Variants in KCND3 observed in about 807,000 individuals in gnomAD.
KCND3 encodes potassium voltage-gated channel subfamily D member 3.
In KCND3, 9 loss-of-function variants were observed where a neutral mutation model predicts 51.1. The ratio of observed to expected loss-of-function variants is 0.18; its 90% CI spans 0.11 to 0.31. The LOEUF (loss-of-function observed/expected upper bound fraction) is 0.31. KCND3 is among the 10% of genes least tolerant of loss of function. The probability of loss-of-function intolerance (pLI) is 1.00; values close to 1 mark genes in which losing one functional copy is unlikely to be tolerated. For missense variants in KCND3, 526 were observed against 903.8 expected (o/e 0.58, Z 5.36); for synonymous variants, 349 against 368.0 (o/e 0.95, Z 0.59).
intron 2 of KCND3, among the ~76,000 whole-genome samples, chr1:111,948,206 C>G (rs1672880296): frequency 2.0e-5 from 3 of 152,244 alleles, no homozygotes; most frequent in Admixed American, 6.5e-5. Context: ...TGCTCTGCCT[C>G]TACAGAAAGA....
chr1:111,872,479 C>T (rs371665647), intron 2 of KCND3, among the ~76,000 whole-genome samples: 7 of 152,176 alleles, frequency 4.6e-5, no homozygotes, highest in African/African-American at 1.7e-4. Flanking sequence ...CAATGTTCTA[C>T]AAGGCACACT....
chr1:111,975,275 G>A (rs1193775435), intron 2 of KCND3, among the ~76,000 whole-genome samples: 1 of 152,126 alleles, frequency 6.6e-6, no homozygotes, highest in African/African-American at 2.4e-5. Context: ...CTGAGGTCTC[G>A]GCTGCCCCTG....
At chr1:111,925,483 C>T (rs575524295) in intron 2 of KCND3, among the ~76,000 whole-genome samples, 1 of 152,262 alleles carries the variant, frequency 6.6e-6, no homozygotes, top group East Asian at 1.9e-4. Flanking sequence ...TTTAAAATAG[C>T]AGTTTTAGTG....
chr1:111,832,703 T>C (rs6663764), intron 2 of KCND3, among the ~76,000 whole-genome samples: 28,738 of 152,000 alleles, frequency 0.19, 3,527 homozygotes, highest in African/African-American at 0.35. Context: ...CCGCCCAGAA[T>C]GCAGTGGCAG....
chr1:111,947,168 G>A (rs962877418), intron 2 of KCND3, among the ~76,000 whole-genome samples: 2 of 152,126 alleles, frequency 1.3e-5, no homozygotes, highest in African/African-American at 4.8e-5. Context: ...TCTGATGGCA[G>A]GACTAGTCCC....
intron 2 of KCND3, among the ~76,000 whole-genome samples, chr1:111,827,006 A>G (rs1293709919): frequency 6.6e-6 from 1 of 152,202 alleles, no homozygotes; most frequent in Non-Finnish European, 1.5e-5. Flanking sequence ...CCCAAATCCA[A>G]TACTCCACTG....
At chr1:111,794,328 C>T (rs1018930620) in intron 2 of KCND3, among the ~76,000 whole-genome samples, 13 of 152,240 alleles carry the variant, frequency 8.5e-5, no homozygotes, top group African/African-American at 3.1e-4. Flanking sequence ...AAGCCAAGCT[C>T]CCCCATCCAG....
intron 2 of KCND3, among the ~76,000 whole-genome samples, chr1:111,802,497 C>T (rs74112134): frequency 0.062 from 9,376 of 152,238 alleles, 925 homozygotes; most frequent in African/African-American, 0.21. Context: ...TTCGGGGCAG[C>T]GACTTAGATC....
chr1:111,818,656 C>T (rs1022775020), intron 2 of KCND3, among the ~76,000 whole-genome samples: 2 of 152,164 alleles, frequency 1.3e-5, no homozygotes, highest in African/African-American at 4.8e-5. Flanking sequence ...GGGGTGACAC[C>T]CGTCTATTGT....
chr1:111,827,678 A>T (rs1383021588), intron 2 of KCND3, among the ~76,000 whole-genome samples: 1 of 152,196 alleles, frequency 6.6e-6, no homozygotes, highest in Non-Finnish European at 1.5e-5. Flanking sequence ...GAGGAAACTG[A>T]GTCTTAGAGA....
chr1:111,851,344 G>C (rs1168697765), intron 2 of KCND3, among the ~76,000 whole-genome samples: 1 of 152,182 alleles, frequency 6.6e-6, no homozygotes, highest in Non-Finnish European at 1.5e-5. Context: ...AATGCTTGCT[G>C]AGTCAATGAG....
chr1:111,954,451 A>G lies in KCND3; in HGVS notation c.1106+27170T>C, dbSNP rs1379060147. ...ACTGAGACCATTTGTGTCATCTAAA[A>G]GTGACCTGAAAAGTCATGGGACTTG... On this transcript the variant is annotated intron_variant, in intron 2 of 7. Coordinates refer to ENST00000302127, the MANE Select transcript of KCND3 (RefSeq NM_001378969.1). 2.4e-4 allele frequency among the ~76,000 whole-genome samples: 37 copies of G among 152,374 alleles called. 1 individual carries two copies.
intron 2 of KCND3, among the ~76,000 whole-genome samples, chr1:111,900,834 G>A (rs1294195550): frequency 1.3e-5 from 2 of 152,176 alleles, no homozygotes; most frequent in East Asian, 3.8e-4. Context: ...GCATGCGCCT[G>A]TAATCCCAGC....
intron 2 of KCND3, among the ~76,000 whole-genome samples, chr1:111,980,856 A>T (rs538446929): frequency 1.1e-4 from 17 of 152,172 alleles, no homozygotes; most frequent in African/African-American, 4.1e-4. Context: ...AATTACCATG[A>T]CCTCACCGAG....
intron 2 of KCND3, among the ~76,000 whole-genome samples, chr1:111,927,889 C>A (rs1355320860): frequency 1.3e-5 from 2 of 152,168 alleles, no homozygotes; most frequent in Non-Finnish European, 2.9e-5. Context: ...CCTGCTCCTG[C>A]CGGCCTGTCT....
At chr1:111,841,080 T>C in intron 2 of KCND3, among the ~76,000 whole-genome samples, 1 of 152,224 alleles carries the variant, frequency 6.6e-6, no homozygotes, top group East Asian at 1.9e-4. Context: ...TATTAGTGGG[T>C]CAAGTAAAAA....
At chr1:111,881,568 A>T (rs1281768338) in intron 2 of KCND3, among the ~76,000 whole-genome samples, 55 of 152,126 alleles carry the variant, frequency 3.6e-4, no homozygotes, top group Admixed American at 3.6e-3. Flanking sequence ...TCTTTGTGCT[A>T]TGTCACCTCC....
At position 111,787,082 on chromosome 1, in the gene KCND3, C is replaced by T. The variant is rs148428571; in HGVS notation, c.1131G>A (p.Thr377=). ...TLGYGDMVPK[T]IAGKIFGSIC... is the part of the protein sequence containing the mutation. Reference sequence around the variant, plus strand: ...TGGAGCCGAAGATCTTCCCTGCAATCGTCTTAGGCACCATGTCTCCGTATC... The same window carrying T: ...TGGAGCCGAAGATCTTCCCTGCAATTGTCTTAGGCACCATGTCTCCGTATC... The change falls in exon 3 of 8, where the codon ACG becomes ACA. Residue 377 remains threonine (T), a synonymous_variant. Coordinates refer to ENST00000302127, the MANE Select transcript of KCND3 (RefSeq NM_001378969.1). The T allele has an allele frequency of 8.7e-6, 14 of 1,614,044 alleles. No individual in the cohort carries two copies. Among genetic ancestry groups the T allele is most frequent in the African/African-American group, 2.7e-5 (2 of 74,902 alleles).
At chr1:111,940,112 A>T (rs1672441901) in intron 2 of KCND3, among the ~76,000 whole-genome samples, 2 of 64,796 alleles carry the variant, frequency 3.1e-5, no homozygotes, top group South Asian at 5.0e-4. Context: ...TTCCTTGTAG[A>T]TTCTGGATAT....
Sources: gnomAD v4.1 joint callset for allele counts (sites outside exome capture counted in the v4.1 genomes callset) on GRCh38, gnomAD v4.1.1 for gene constraint, MANE v1.5 for transcripts, NCBI Gene and HGNC (gene_info 2026-07-23, HGNC 2026-07-21) for gene names.